The following IL17REL variants were observed in gnomAD, a reference collection of about 807,000 sequenced individuals.
IL17REL encodes interleukin 17 receptor E like, also known as interleukin-17 receptor E-like protein.
Under a neutral mutation model 49.0 loss-of-function variants are expected in IL17REL, and 36 were observed. That is an observed-to-expected ratio of 0.73 (90% confidence interval 0.56 to 0.97). The LOEUF is 0.97. Among genes scored for constraint, IL17REL ranks in the 50% least tolerant of loss-of-function variants. The pLI, the probability that IL17REL is intolerant of heterozygous loss-of-function variation, is 0.00. For synonymous variants in IL17REL, 206 were observed against 192.4 expected (o/e 1.07, Z -0.58); for missense variants, 470 against 453.9 (o/e 1.04, Z -0.32).
exon 5 of IL17REL, chr22:49,999,957 G>C (rs1224552871): frequency 6.6e-7 from 1 of 1,515,730 alleles, no homozygotes; most frequent in Admixed American, 2.1e-5. Flanking sequence ...CCCAGTAGCT[G>C]AGCTTCCCCG....
intron 1 of IL17REL, among the ~76,000 whole-genome samples, chr22:50,007,685 G>A (rs1450340555): frequency 6.6e-6 from 1 of 151,918 alleles, no homozygotes; most frequent in Non-Finnish European, 1.5e-5. Flanking sequence ...GCCATGCTTT[G>A]CATTTGTTGT....
chr22:50,000,051 G>A, intron 4 of IL17REL, 84 bp from the exon 7 acceptor site: 2 of 1,364,744 alleles, frequency 1.5e-6, no homozygotes, highest in Non-Finnish European at 1.9e-6. Context: ...CCCCGACGTG[G>A]TGGCTCCTGC....
In IL17REL at chr22:49,999,971, C is replaced by T; in HGVS notation, c.335-4G>A. ...ACCCAGTAGCTGAGCTTCCCCGCTG[C>T]AGGAGGCGGCAAGTCGGGGCCGCGC... On this transcript the variant is annotated splice_polypyrimidine_tract_variant and splice_region_variant and intron_variant, in intron 4 of 12. Transcript: ENST00000341280. 6.7e-7 allele frequency: 1 copy of T among 1,502,126 alleles called. No homozygotes were observed. The highest frequency in any genetic ancestry group is 8.9e-7 in the Non-Finnish European group (1 of 1,121,678). The allele number at this position is 1,502,126 out of a possible 1,614,324, so 93.0% of individuals were successfully genotyped here. A position where few individuals can be genotyped will look rare whatever the true frequency, so the allele number is the denominator to read the frequency against.
chr22:50,003,760 CAT>C (rs2061092138), intron 1 of IL17REL, among the ~76,000 whole-genome samples: 1 of 152,078 alleles, frequency 6.6e-6, no homozygotes, highest in Non-Finnish European at 1.5e-5. Context: ...CTATATGTAA[CAT>C]AACATTTCTC....
exon 13 of IL17REL, chr22:49,994,822 G>A (rs954663296): frequency 6.6e-6 from 1 of 152,540 alleles, no homozygotes. Flanking sequence ...TGACCCACAC[G>A]AGAAGTCTTC....
rs951613510 is a variant in IL17REL, at chr22:50,000,310, C to A, written c.334+168G>T. Among the ~76,000 whole-genome samples the A allele has an allele frequency of 4.6e-5, 7 of 152,338 alleles. No individual in the cohort carries two copies. In the South Asian group the frequency reaches 1.5e-3, roughly 32 times the overall value. ...TCAGGGGCCATCCTCCTCCACCCGC[C>A]CCCCATCCACGCGCTGTGCCTCTGT... On this transcript the variant is annotated intron_variant, in intron 4 of 12. Transcript: ENST00000341280.
At chr22:50,007,157 C>T (rs2061114762) in intron 1 of IL17REL, among the ~76,000 whole-genome samples, 2 of 151,956 alleles carry the variant, frequency 1.3e-5, no homozygotes, top group African/African-American at 4.8e-5. Flanking sequence ...AACAGTAAAC[C>T]TTTGGAATCA....
chr22:49,996,847 T>C (rs1432670558), exon 13 of IL17REL: 1 of 570,778 alleles, frequency 1.8e-6, no homozygotes, highest in Non-Finnish European at 3.1e-6. Flanking sequence ...GAAGTGTACA[T>C]CGGTCCTCCA....
At chr22:50,011,562 T>C (rs1429519361), upstream of IL17REL, among the ~76,000 whole-genome samples, 1 of 151,744 alleles carries the variant, frequency 6.6e-6, no homozygotes, top group African/African-American at 2.4e-5. Context: ...TTCCCCCTCC[T>C]AGCCAGGATC....
downstream of IL17REL, among the ~76,000 whole-genome samples, chr22:49,994,269 C>A (rs555632039): frequency 2.1e-3 from 326 of 151,892 alleles, 4 homozygotes; most frequent in African/African-American, 7.6e-3. Flanking sequence ...CACCACTGGT[C>A]CTTTATGGGG....
At chr22:50,009,581 C>G (rs906717305), upstream of IL17REL, among the ~76,000 whole-genome samples, 4 of 150,018 alleles carry the variant, frequency 2.7e-5, no homozygotes, top group Admixed American at 2.0e-4. Context: ...TCAACACAGC[C>G]GCTCCATTCT....
intron 1 of IL17REL, among the ~76,000 whole-genome samples, chr22:50,006,613 G>C (rs1194872502): frequency 6.6e-6 from 1 of 152,096 alleles, no homozygotes; most frequent in African/African-American, 2.4e-5. Flanking sequence ...GGAATTCCTA[G>C]AAACAAAACC....
chr22:50,011,478 C>G (rs574882822), upstream of IL17REL, among the ~76,000 whole-genome samples: 2 of 152,068 alleles, frequency 1.3e-5, no homozygotes, highest in African/African-American at 4.8e-5. Flanking sequence ...CGCCTCCCCC[C>G]ATGTCTCCCA....
intron 4 of IL17REL, 117 bp downstream of exon 5, chr22:50,000,361 G>A (rs915679392): frequency 9.1e-6 from 7 of 773,222 alleles, no homozygotes; most frequent in Non-Finnish European, 1.5e-5. Flanking sequence ...TAAGCCAGAG[G>A]TCTTGCGGGG....
At chr22:49,996,924 A>T (rs913316952) in intron 12 of IL17REL, 64 bp from the exon 15 acceptor site, 1 of 740,558 alleles carries the variant, frequency 1.4e-6, no homozygotes, top group Non-Finnish European at 2.2e-6. Flanking sequence ...GGGGATGGGA[A>T]GGGGGGGTGT....
chr22:50,010,642 C>A (rs1324813189), upstream of IL17REL, among the ~76,000 whole-genome samples: 1 of 152,204 alleles, frequency 6.6e-6, no homozygotes, highest in Non-Finnish European at 1.5e-5. Flanking sequence ...TGCTCTCTCT[C>A]CTGACTTCCT....
downstream of IL17REL, among the ~76,000 whole-genome samples, chr22:49,994,282 A>C (rs1383062087): frequency 6.7e-6 from 1 of 148,224 alleles, no homozygotes; most frequent in African/African-American, 2.5e-5. Context: ...TTATGGGGAC[A>C]CTTGGATGGG....
rs2061063749 is a variant in IL17REL, at chr22:49,999,705, C to CG, written c.474+122dup. 4 of 349,876 alleles carry CG rather than the reference C, an allele frequency of 1.1e-5. No homozygotes were observed. In the East Asian group the frequency reaches 4.3e-4, roughly 38 times the overall value. The allele number at this position is 349,876 out of a possible 1,614,324, so 21.7% of individuals were successfully genotyped here. On this transcript the variant is annotated intron_variant, in intron 5 of 12. Coordinates refer to ENST00000341280, the Ensembl canonical transcript of IL17REL. ...GAGGTGGGTGGGGCCTAGGCCTGGC[C>CG]GGGGGCGGGGCGCGGGGGGTGGGCG...
chr22:50,007,760 C>G (rs1349558711), intron 1 of IL17REL, among the ~76,000 whole-genome samples: 1 of 152,098 alleles, frequency 6.6e-6, no homozygotes, highest in Non-Finnish European at 1.5e-5. Flanking sequence ...CCAAGCTGAT[C>G]TAATCTCCTC....
Sources: allele counts gnomAD v4.1 joint callset (sites outside exome capture counted in the v4.1 genomes callset), GRCh38; gene constraint gnomAD v4.1.1; transcripts MANE v1.5; gene names NCBI Gene and HGNC (gene_info 2026-07-23, HGNC 2026-07-21).